Variants in DAB1 observed in about 807,000 individuals in gnomAD.
DAB1 encodes disabled homolog 1.
Under a neutral mutation model 64.6 loss-of-function variants are expected in DAB1, and 15 were observed. The ratio of observed to expected loss-of-function variants is 0.23; its 90% confidence interval spans 0.16 to 0.36. DAB1 has a LOEUF of 0.36. Among genes scored for constraint, DAB1 ranks in the 10% least tolerant of loss-of-function variants. The pLI is 1.00. For synonymous variants in DAB1, 235 were observed against 251.9 expected (o/e 0.93, Z 0.64); for missense variants, 596 against 706.7 (o/e 0.84, Z 1.78).
chr1:58,275,291 C>T (rs541575312), intron 4 of DAB1, among the ~76,000 whole-genome samples: 42 of 152,134 alleles, frequency 2.8e-4, no homozygotes, highest in Non-Finnish European at 4.7e-4. Flanking sequence ...TTGGATATTA[C>T]GCCGAAAGAA....
chr1:58,015,299 T>C (rs1243673121), intron 5 of DAB1, among the ~76,000 whole-genome samples: 1 of 152,088 alleles, frequency 6.6e-6, no homozygotes, highest in South Asian at 2.1e-4. Flanking sequence ...ACCTCTCACC[T>C]CCAACCCTTT....
intron 6 of DAB1, among the ~76,000 whole-genome samples, chr1:57,722,050 G>C (rs913256385): frequency 2.0e-5 from 3 of 152,164 alleles, no homozygotes; most frequent in Non-Finnish European, 2.9e-5. Context: ...CAGTGTTGAT[G>C]TGCAGAACTT....
chr1:57,406,361 T>C (rs1159224635), intron 1 of DAB1, among the ~76,000 whole-genome samples: 2 of 152,364 alleles, frequency 1.3e-5, no homozygotes, highest in East Asian at 3.9e-4. Flanking sequence ...AATATCTCTT[T>C]GGTTGTACTT....
intron 2 of DAB1, among the ~76,000 whole-genome samples, chr1:57,153,459 A>G (rs954391429): frequency 3.3e-5 from 5 of 152,220 alleles, no homozygotes; most frequent in Admixed American, 3.3e-4. Context: ...GTATCTCACA[A>G]TGATTTTTTG....
chr1:58,417,132 A>T (rs1279666394), intron 3 of DAB1, among the ~76,000 whole-genome samples: 1 of 152,350 alleles, frequency 6.6e-6, no homozygotes, highest in East Asian at 1.9e-4. Context: ...ATGGGAGGGC[A>T]TCCTCCCGTC....
intron 7 of DAB1, among the ~76,000 whole-genome samples, chr1:57,525,560 A>C (rs1234158583): frequency 6.6e-6 from 1 of 152,210 alleles, no homozygotes; most frequent in Non-Finnish European, 1.5e-5. Flanking sequence ...ACACAGTCAT[A>C]GTAAGGTAAA....
At chr1:58,409,357 A>T (rs1255327590) in intron 3 of DAB1, among the ~76,000 whole-genome samples, 2 of 152,196 alleles carry the variant, frequency 1.3e-5, no homozygotes, top group East Asian at 3.9e-4. Flanking sequence ...TCAAAAAAAT[A>T]AACAAAAAAA....
At chr1:58,294,326 C>T (rs549968124) in intron 4 of DAB1, among the ~76,000 whole-genome samples, 2 of 152,208 alleles carry the variant, frequency 1.3e-5, no homozygotes, top group Non-Finnish European at 2.9e-5. Flanking sequence ...TTAAAATCTC[C>T]ATTCATAGCA....
rs150386945 is a variant in DAB1, at chr1:57,128,260, A to G, written c.306+8283T>C. Among the ~76,000 whole-genome samples, 570 of 152,206 alleles carry G rather than the reference A, an allele frequency of 3.7e-3. 8 individuals carry two copies. The highest frequency in any genetic ancestry group is 0.013 in the African/African-American group (527 of 41,558). ...ATAAAACACTCTACACTCATCACTC[A>G]TCCCAAAAATCAGCCACAAAAGAGC... On this transcript the variant is annotated intron_variant, in intron 4 of 14. Coordinates refer to ENST00000371236, the MANE Select transcript of DAB1 (RefSeq NM_001365792.1).
chr1:58,390,615 TTTTGTGAAACAA>T (rs1569719605), intron 3 of DAB1, among the ~76,000 whole-genome samples: 1 of 152,222 alleles, frequency 6.6e-6, no homozygotes, highest in Non-Finnish European at 1.5e-5. Context: ...TCCTCTAGCT[TTTTGTGAAACAA>T]AAATAAAAAA....
chr1:58,450,388 C>T (rs1018171081), intron 3 of DAB1, among the ~76,000 whole-genome samples: 3 of 152,116 alleles, frequency 2.0e-5, no homozygotes, highest in Admixed American at 6.5e-5. Flanking sequence ...CTTCCCACTC[C>T]GGGAGGTGGA....
At chr1:58,048,973 T>C (rs763902844) in intron 5 of DAB1, 18 of 830,976 alleles carry the variant, frequency 2.2e-5, no homozygotes, top group Non-Finnish European at 3.7e-5. Flanking sequence ...CACCAACAAA[T>C]ACCTTTTTCA....
intron 1 of DAB1, among the ~76,000 whole-genome samples, chr1:57,368,295 TG>T (rs1680227371): frequency 6.6e-6 from 1 of 152,196 alleles, no homozygotes; most frequent in Admixed American, 6.5e-5. Flanking sequence ...GACAGGTTCC[TG>T]GGCAAAAGGG....
chr1:57,108,259 G>A (rs948417062), intron 4 of DAB1, among the ~76,000 whole-genome samples: 2 of 152,018 alleles, frequency 1.3e-5, no homozygotes, highest in Non-Finnish European at 2.9e-5. Flanking sequence ...TGTTAAATTC[G>A]GTAAGGAGAA....
At chr1:57,819,964 A>T (rs1652044861) in intron 6 of DAB1, among the ~76,000 whole-genome samples, 1 of 152,308 alleles carries the variant, frequency 6.6e-6, no homozygotes, top group Non-Finnish European at 1.5e-5. Flanking sequence ...TTCCTTAATA[A>T]TAATAATCCT....
At chr1:57,263,668 G>A (rs1670369534) in intron 2 of DAB1, among the ~76,000 whole-genome samples, 2 of 152,204 alleles carry the variant, frequency 1.3e-5, no homozygotes, top group South Asian at 4.2e-4. Context: ...ATCTCTCAAA[G>A]GCAAAGTACC....
chr1:57,862,259 G>A (rs1654079370), intron 1 of DAB1, among the ~76,000 whole-genome samples: 1 of 152,132 alleles, frequency 6.6e-6, no homozygotes, highest in Non-Finnish European at 1.5e-5. Flanking sequence ...TTGGTAAATT[G>A]AGGAAACAAA....
intron 3 of DAB1, among the ~76,000 whole-genome samples, chr1:58,373,315 C>T (rs1644287143): frequency 8.4e-6 from 1 of 119,456 alleles, no homozygotes; most frequent in African/African-American, 2.6e-5. Context: ...AATGCTATCC[C>T]TCCCCACTCC....
At chr1:57,874,082 T>C (rs1644001443) in intron 1 of DAB1, 1 of 152,084 alleles carries the variant, frequency 6.6e-6, no homozygotes, top group South Asian at 2.1e-4. Flanking sequence ...GCAAAGAACA[T>C]ACCGAATGTC....
Sources: allele counts gnomAD v4.1 joint callset (sites outside exome capture counted in the v4.1 genomes callset), GRCh38; gene constraint gnomAD v4.1.1; transcripts MANE v1.5; gene names NCBI Gene and HGNC (gene_info 2026-07-23, HGNC 2026-07-21).